Variants in RANBP2 observed in about 807,000 individuals in gnomAD.
RANBP2 encodes RAN binding protein 2.
A neutral mutation model predicts 303.6 loss-of-function variants in RANBP2; 57 were observed. The ratio of observed to expected loss-of-function variants is 0.19; its 90% CI spans 0.15 to 0.23. RANBP2 has a LOEUF of 0.23. Among genes scored for constraint, RANBP2 ranks in the 10% least tolerant of loss-of-function variants. The pLI, the probability that RANBP2 is intolerant of heterozygous loss-of-function variation, is 1.00. For missense variants in RANBP2, 3,138 were observed against 3,780.8 expected (o/e 0.83, Z 4.46); for synonymous variants, 1,167 against 1,301.5 (o/e 0.90, Z 2.23).
chr2:109,617,279 A>C, the RANBP2 span: 4 of 167,054 alleles, frequency 2.4e-5, no homozygotes, highest in African/African-American at 9.7e-5. Context: ...TTAAAATGGC[A>C]CTTTATAAAA....
At chr2:109,751,723 A>G in the RANBP2 span, among the ~76,000 whole-genome samples, 37 of 15,560 alleles carry the variant, frequency 2.4e-3, 1 homozygote, top group South Asian at 8.3e-3. Flanking sequence ...AGTGCTCTGT[A>G]TGCTTCAGCT....
chr2:109,192,270 T>A, the RANBP2 span, among the ~76,000 whole-genome samples: 4 of 152,326 alleles, frequency 2.6e-5, no homozygotes, highest in South Asian at 8.3e-4. Context: ...GCTCATGGGA[T>A]GTTTGGAGAA....
the RANBP2 span, among the ~76,000 whole-genome samples, chr2:109,344,770 A>G: frequency 6.6e-6 from 1 of 152,106 alleles, no homozygotes; most frequent in African/African-American, 2.4e-5. Context: ...GGATGACTGA[A>G]GGTCCTTGCC....
At chr2:109,291,846 C>T in the RANBP2 span, among the ~76,000 whole-genome samples, 28 of 152,346 alleles carry the variant, frequency 1.8e-4, no homozygotes, top group African/African-American at 6.7e-4. Flanking sequence ...CATGCCTTCT[C>T]AGTCTAAAGA....
At chr2:109,089,225 G>A in the RANBP2 span, among the ~76,000 whole-genome samples, 30 of 152,250 alleles carry the variant, frequency 2.0e-4, no homozygotes, top group East Asian at 5.6e-3. Context: ...TAAATCATGA[G>A]AAAAACATTC....
At chr2:109,159,166 G>C in the RANBP2 span, among the ~76,000 whole-genome samples, 14 of 152,300 alleles carry the variant, frequency 9.2e-5, no homozygotes, top group African/African-American at 3.4e-4. Context: ...CCCATGAGAA[G>C]GGGACTCAGG....
the RANBP2 span, among the ~76,000 whole-genome samples, chr2:109,049,370 G>A: frequency 6.6e-6 from 1 of 152,182 alleles, no homozygotes; most frequent in Non-Finnish European, 1.5e-5. Context: ...CCTGGGAGGC[G>A]TGTTAGGTGT....
At chr2:109,615,109 A>G in the RANBP2 span, 2 of 1,549,720 alleles carry the variant, frequency 1.3e-6, no homozygotes, top group Non-Finnish European at 1.7e-6. Flanking sequence ...AACCTCCGTG[A>G]CCTGGTGATG....
chr2:109,464,967 T>A, the RANBP2 span, among the ~76,000 whole-genome samples: 2 of 152,248 alleles, frequency 1.3e-5, no homozygotes, highest in Non-Finnish European at 2.9e-5. Flanking sequence ...GTGCTCTGCC[T>A]GTTGATCACT....
At chr2:108,744,193 C>T (rs1696332016) in intron 7 of RANBP2, among the ~76,000 whole-genome samples, 2 of 152,178 alleles carry the variant, frequency 1.3e-5, no homozygotes, top group Admixed American at 1.3e-4. Context: ...CACTTGAGGT[C>T]AGGAGTTTGA....
Position 108,775,890 on chromosome 2 carries a change from A to G in RANBP2, c.8451A>G (p.Val2817=), listed in dbSNP as rs1387190865. Residue 2817 remains valine, a synonymous_variant, in exon 24 of 29, where the codon GTA becomes GTG. Transcript: ENST00000283195. ...SVSSETMDKP[V]DLSTRKEIDT... ...CCTCTGAAACTATGGACAAACCTGTAGATTTGTCAACTAGAAAGGAAATTG... is the reference window on the plus strand; with the variant it reads ...CCTCTGAAACTATGGACAAACCTGTGGATTTGTCAACTAGAAAGGAAATTG... 1.2e-6 allele frequency: 2 copies of G among 1,612,836 alleles called. No homozygotes were observed. Among genetic ancestry groups the G allele is most frequent in the Admixed American group, 1.7e-5 (1 of 60,022 alleles).
In RANBP2 at chr2:108,740,694, C is replaced by T. The variant is rs777398952; in HGVS notation, c.975+13C>T. On this transcript the variant is annotated intron_variant, in intron 7 of 28. Coordinates refer to ENST00000283195, the MANE Select transcript of RANBP2 (RefSeq NM_006267.5). ...CATAGCATTTCAGGTAAGTCTTCCA[C>T]TTGTAGGAGCAATTGACATTTCACT... 8.8e-6 allele frequency: 14 copies of T among 1,597,308 alleles called. No homozygotes were observed. In the Admixed American group the frequency reaches 1.5e-4, roughly 17 times the overall value.
At chr2:109,099,969 T>C in the RANBP2 span, among the ~76,000 whole-genome samples, 1 of 152,204 alleles carries the variant, frequency 6.6e-6, no homozygotes, top group Non-Finnish European at 1.5e-5. Flanking sequence ...TGATAATGTT[T>C]GTGATATTGT....
chr2:109,116,788 G>C, the RANBP2 span, among the ~76,000 whole-genome samples: 7 of 152,174 alleles, frequency 4.6e-5, no homozygotes, highest in African/African-American at 1.7e-4. Flanking sequence ...TTTGATGATG[G>C]TGATGTACAG....
chr2:108,996,553 C>G, the RANBP2 span, among the ~76,000 whole-genome samples: 2 of 152,196 alleles, frequency 1.3e-5, no homozygotes, highest in African/African-American at 4.8e-5. Flanking sequence ...ATACCCCAGA[C>G]GGGATCTAGG....
At chr2:109,134,278 A>G in the RANBP2 span, among the ~76,000 whole-genome samples, 1 of 152,190 alleles carries the variant, frequency 6.6e-6, no homozygotes, top group Admixed American at 6.5e-5. Context: ...GTTTGGCTGG[A>G]TGGTTGGGAT....
the RANBP2 span, among the ~76,000 whole-genome samples, chr2:109,574,953 C>T: frequency 6.6e-6 from 1 of 152,192 alleles, no homozygotes. Flanking sequence ...AAATGCTTCT[C>T]AACTTACAAT....
At chr2:108,948,632 T>C in the RANBP2 span, among the ~76,000 whole-genome samples, 1 of 149,442 alleles carries the variant, frequency 6.7e-6, no homozygotes, top group Admixed American at 6.7e-5. Flanking sequence ...AGAGAGAGAG[T>C]GAAGTGGGGA....
At chr2:109,276,421 G>A in the RANBP2 span, among the ~76,000 whole-genome samples, 3 of 152,200 alleles carry the variant, frequency 2.0e-5, no homozygotes, top group African/African-American at 4.8e-5. Flanking sequence ...GTCCAGGCCC[G>A]TCTGAAGGCT....
Sources: gnomAD v4.1 joint callset for allele counts (sites outside exome capture counted in the v4.1 genomes callset) on GRCh38, gnomAD v4.1.1 for gene constraint, MANE v1.5 for transcripts, NCBI Gene and HGNC (gene_info 2026-07-23, HGNC 2026-07-21) for gene names.